ARHGEF40: variants seen among roughly 807,000 people sequenced by gnomAD.
ARHGEF40 encodes Rho guanine nucleotide exchange factor 40, also known as Rho guanine nucleotide exchange factor (GEF) 40.
ARHGEF40 carries 98 observed loss-of-function variants against 165.9 expected under a neutral mutation model. That is an observed-to-expected ratio of 0.59 (90% CI 0.50 to 0.70). The LOEUF is 0.70. Among genes scored for constraint, ARHGEF40 ranks in the 30% least tolerant of loss-of-function variants. The pLI is 0.00. For missense variants in ARHGEF40, 1,815 were observed against 1,968.0 expected, an observed-to-expected ratio of 0.92 and a Z score of 1.47; for synonymous variants, 792 against 814.3, an observed-to-expected ratio of 0.97 and a Z score of 0.47.
rs1353292304 is a variant in ARHGEF40 at position 21,082,342 on chromosome 14, C to T, written c.3350C>T (p.Pro1117Leu). The T allele has an allele frequency of 6.2e-7, 1 of 1,612,508 alleles. No individual in the cohort carries two copies. The highest frequency in any genetic ancestry group is 8.5e-7 in the Non-Finnish European group (1 of 1,179,880). The change falls in exon 15 of 24, where the codon CCT (proline) becomes CTT (leucine). Residue 1117 changes from proline to leucine, a missense_variant. Transcript: ENST00000298694. ...CCACCCCCTGGGCCTGAGCTGACGC[C>T]TGAACTTCGGGGCACCTGGGCTGCT... ...PVPPPGPELT[P>L]ELRGTWAAAL...
chr14:21,087,582 G>A (rs1425036321), intron 21 of ARHGEF40, 119 bp downstream of exon 21: 1 of 1,406,728 alleles, frequency 7.1e-7, no homozygotes, highest in African/African-American at 1.4e-5. Flanking sequence ...TGACAACTAT[G>A]TACAGCTTCC....
chr14:21,080,584 G>T, intron 11 of ARHGEF40, 76 bp from the exon 12 acceptor site: 1 of 1,502,720 alleles, frequency 6.7e-7, no homozygotes, highest in South Asian at 1.3e-5. Context: ...TGGGGTGGTG[G>T]GGCTGATGCT....
In ARHGEF40 at chr14:21,073,521, G is replaced by A. The variant is rs1381933940; in HGVS notation, c.201+279G>A. 6.6e-6 allele frequency among the ~76,000 whole-genome samples: 1 copy of A among 151,328 alleles called. No individual in the cohort carries two copies. Among genetic ancestry groups the A allele is most frequent in the Non-Finnish European group, 1.5e-5 (1 of 67,926 alleles). ...GACCCCCAAAGACCCTAACTCTCCA[G>A]ACCCAATTCCAGACATCTTCTCCCC... On this transcript the variant is annotated intron_variant, in intron 2 of 23. Transcript: ENST00000298694. This position sits in a 1 kb window ranked among gnomAD's most constrained non-coding sequence, Gnocchi z 4.6.
rs776776588 is a variant in ARHGEF40 at position 21,084,034 on chromosome 14, C to A, written c.3773C>A (p.Ala1258Glu). 6.2e-7 allele frequency: 1 copy of A among 1,608,532 alleles called. No homozygotes were observed. Among genetic ancestry groups the A allele is most frequent in the South Asian group, 1.1e-5 (1 of 90,302 alleles). The change falls in exon 17 of 24, where the codon GCG becomes GAG. Residue 1258 changes from alanine (A) to glutamate (E), a missense_variant. By Grantham distance (107) the Ala-to-Glu change is moderately radical (BLOSUM62 -1). Coordinates refer to ENST00000298694, the MANE Select transcript of ARHGEF40 (RefSeq NM_018071.5). ...ARGRDLLAVE[A>E]VRGCEIDLKE... ...GGCAGAGACCTGCTGGCCGTGGAGGCGGTGCGTGGCTGTGAGGTGAGGCCC... is the reference window on the plus strand; with the variant it reads ...GGCAGAGACCTGCTGGCCGTGGAGGAGGTGCGTGGCTGTGAGGTGAGGCCC...
intron 21 of ARHGEF40, 90 bp downstream of exon 21, chr14:21,087,553 C>G: frequency 1.3e-6 from 2 of 1,531,670 alleles, no homozygotes; most frequent in Non-Finnish European, 1.8e-6. Context: ...CTTTTTCTAG[C>G]CAAGAAGCCC....
Position 21,076,416 on chromosome 14 carries a change from C to T in ARHGEF40, c.1796C>T (p.Pro599Leu), listed in dbSNP as rs762743669. The stretch of plus-strand genomic sequence containing the variant: ...CTGCTGGACCTTCGTCAGGCACCTC[C>T]ACTGCCTCCAGCACTCATTCCTGCC... ...SVLLDLRQAP[P>L]LPPALIPALS... Residue 599 changes from proline to leucine, a missense_variant, in exon 6 of 24, where the codon CCA becomes CTA. By Grantham distance (98) the Pro-to-Leu change is moderately conservative. Coordinates refer to ENST00000298694, the MANE Select transcript of ARHGEF40 (RefSeq NM_018071.5). The T allele has an allele frequency of 9.9e-6, 16 of 1,613,648 alleles. No individual in the cohort carries two copies. The highest frequency in any genetic ancestry group is 1.4e-5 in the Non-Finnish European group (16 of 1,180,056).
rs757451891 is a variant in ARHGEF40 at position 21,085,759 on chromosome 14, G to A, written c.4031G>A (p.Arg1344Gln). The change falls in exon 19 of 24, where the codon CGG becomes CAG. Residue 1344 changes from arginine to glutamine, a missense_variant. By Grantham distance (43) the Arg-to-Gln change is conservative. Coordinates refer to ENST00000298694, the MANE Select transcript of ARHGEF40 (RefSeq NM_018071.5). ...GLCFELWFRRRRAREAYTLQA... is the reference protein window; with the variant it reads ...GLCFELWFRRQRAREAYTLQA... ...TGCTTTGAGTTGTGGTTTCGGCGGC[G>A]GCGTGCACGAGAGGCATACACTCTG... 81 of 1,614,040 alleles carry A rather than the reference G, an allele frequency of 5.0e-5. No individual in the cohort carries two copies. The highest frequency in any genetic ancestry group is 5.3e-5 in the Non-Finnish European group (62 of 1,180,046).
chr14:21,073,140 C>G lies in ARHGEF40; in HGVS notation c.99C>G (p.Phe33Leu), dbSNP rs1276159777. Residue 33 changes from phenylalanine (F) to leucine (L), a missense_variant, in exon 2 of 24, where the codon TTC (phenylalanine) becomes TTG (leucine). Physicochemically the swap from Phe to Leu is conservative, Grantham distance 22 (BLOSUM62 0). Coordinates refer to ENST00000298694, the MANE Select transcript of ARHGEF40 (RefSeq NM_018071.5). This position sits in a 1 kb window ranked among gnomAD's most constrained non-coding sequence, Gnocchi z 4.6. ...CCCCCACCCTGTTGGGCCAGGTGTT[C>G]CAGGTGGTGGAGAGGACTTATCGGG... The part of the protein sequence containing the change: ...ATAPTLLGQV[F>L]QVVERTYRED... 6 of 1,614,158 alleles carry G rather than the reference C, an allele frequency of 3.7e-6. No individual in the cohort carries two copies. The highest frequency in any genetic ancestry group is 5.1e-6 in the Non-Finnish European group (6 of 1,180,026).
rs1888482430 is a variant in ARHGEF40 at position 21,087,838 on chromosome 14, A to G, written c.4388-130A>G. The G allele has an allele frequency of 3.6e-5, 47 of 1,299,040 alleles. No homozygotes were observed. In the South Asian group the frequency reaches 5.5e-4, roughly 15 times the overall value. The allele number at this position is 1,299,040 out of a possible 1,614,324, so 80.5% of individuals were successfully genotyped here. The stretch of plus-strand genomic sequence containing the variant: ...CCTCTTGGTAGGGGGTTCCCTTGCA[A>G]CTGGATCGCTATGGTGACTCACAGC... On this transcript the variant is annotated intron_variant, in intron 21 of 23. Coordinates refer to ENST00000298694, the MANE Select transcript of ARHGEF40 (RefSeq NM_018071.5).
chr14:21,081,189 C>T (rs1049692333), intron 13 of ARHGEF40, 173 bp downstream of exon 13: 1 of 1,056,462 alleles, frequency 9.5e-7, no homozygotes, highest in African/African-American at 1.6e-5. Flanking sequence ...AGATACTAAA[C>T]CTGACTGTGC....
chr14:21,062,531 G>T, the ARHGEF40 span, among the ~76,000 whole-genome samples: 2 of 152,180 alleles, frequency 1.3e-5, no homozygotes, highest in Non-Finnish European at 2.9e-5. Context: ...CCTGAGGCCC[G>T]TGTAGGGGTG....
At chr14:21,087,899 A>C in intron 21 of ARHGEF40, 69 bp from the exon 22 acceptor site, 1 of 1,603,334 alleles carries the variant, frequency 6.2e-7, no homozygotes, top group Non-Finnish European at 8.5e-7. Context: ...TCCCTGATGG[A>C]GCAGCTTGGT....
At position 21,075,607 on chromosome 14, in the gene ARHGEF40, C is replaced by G; in HGVS notation, c.1619-38C>G. 6.2e-7 allele frequency: 1 copy of G among 1,613,930 alleles called. No homozygotes were observed. The highest frequency in any genetic ancestry group is 1.1e-5 in the South Asian group (1 of 91,076). ...GTGGAAAGGAGGTAGGCATGGACTG[C>G]TCCCAGCCAGGACAGCCTGGCCATT... On this transcript the variant is annotated intron_variant, in intron 4 of 23. Coordinates refer to ENST00000298694, the MANE Select transcript of ARHGEF40 (RefSeq NM_018071.5). This position sits in a 1 kb window ranked among gnomAD's most constrained non-coding sequence, Gnocchi z 4.5.
chr14:21,087,814 C>G lies in ARHGEF40; in HGVS notation c.4388-154C>G, dbSNP rs1321237634. 48 of 1,009,280 alleles carry G rather than the reference C, an allele frequency of 4.8e-5. No homozygotes were observed. The East Asian group carries it at 7.9e-4, about 17-fold the overall frequency. 62.5% of individuals were successfully genotyped at this position (1,009,280 alleles called of 1,614,324 possible). ...AATGATGCTGCTGACAATTTCCTGC[C>G]TCTTGGTAGGGGGTTCCCTTGCAAC... is the stretch of plus-strand genomic sequence containing the variant. On this transcript the variant is annotated intron_variant, in intron 21 of 23. Transcript: ENST00000298694.
intron 19 of ARHGEF40, 54 bp from the exon 20 acceptor site, chr14:21,086,947 A>C: frequency 7.3e-7 from 1 of 1,369,838 alleles, no homozygotes; most frequent in Non-Finnish European, 1.0e-6. Context: ...ATGACATGCT[A>C]GGGCTAGAGA....
rs765972379 is a variant in ARHGEF40, at chr14:21,078,985, G to A, written c.2348G>A (p.Arg783Gln). 5.0e-6 allele frequency: 8 copies of A among 1,613,886 alleles called. No individual in the cohort carries two copies. Among genetic ancestry groups the A allele is most frequent in the East Asian group, 4.5e-5 (2 of 44,888 alleles). Residue 783 changes from arginine (R) to glutamine (Q), a missense_variant, in exon 11 of 24, where the codon CGG becomes CAG. Transcript: ENST00000298694. ...SNLHVQQQEQ[R>Q]QCLRRLQQVL... is the part of the protein sequence containing the mutation. ...CTGCACGTGCAGCAGCAAGAGCAGC[G>A]GCAGTGCCTGCGGCGACTCCAGCAG...
upstream of ARHGEF40, among the ~76,000 whole-genome samples, chr14:21,066,228 G>T (rs1238933839): frequency 6.6e-6 from 1 of 152,132 alleles, no homozygotes; most frequent in Non-Finnish European, 1.5e-5. Flanking sequence ...AAGAAAAGGA[G>T]AGATAGGCAG....
chr14:21,082,194 G>A, intron 14 of ARHGEF40, 50 bp from the exon 15 acceptor site: 4 of 1,575,730 alleles, frequency 2.5e-6, no homozygotes, highest in Non-Finnish European at 3.5e-6. Context: ...CATTGTTGGG[G>A]GTACTGGCTC....
At chr14:21,062,215 C>T in the ARHGEF40 span, among the ~76,000 whole-genome samples, 1 of 152,230 alleles carries the variant, frequency 6.6e-6, no homozygotes, top group African/African-American at 2.4e-5. Flanking sequence ...CTCACATTGA[C>T]ACTACAAGAC....
Sources: allele counts gnomAD v4.1 joint callset (sites outside exome capture counted in the v4.1 genomes callset), GRCh38; gene constraint gnomAD v4.1.1; non-coding constraint Gnocchi (gnomAD v3.1); transcripts MANE v1.5; gene names NCBI Gene and HGNC (gene_info 2026-07-23, HGNC 2026-07-21).